Variants in GALNT9 observed in about 807,000 individuals in gnomAD.
GALNT9 encodes polypeptide N-acetylgalactosaminyltransferase 9.
GALNT9 carries 47 observed loss-of-function variants against 63.1 expected under a neutral mutation model. That is an observed-to-expected ratio of 0.75 (90% CI 0.59 to 0.95). GALNT9 has a LOEUF of 0.95. Ranked by LOEUF, GALNT9 falls within the 40% of genes least tolerant of loss-of-function variation. GALNT9 has a pLI of 0.00. For missense variants in GALNT9, 829 were observed against 874.8 expected (o/e 0.95, Z 0.66); for synonymous variants, 396 against 365.7 (o/e 1.08, Z -0.94).
At chr12:132,321,220 G>C (rs28489722) in intron 1 of GALNT9, among the ~76,000 whole-genome samples, 4 of 28,836 alleles carry the variant, frequency 1.4e-4, no homozygotes, top group East Asian at 2.8e-3. Flanking sequence ...AGGCCCCTGT[G>C]GGTCTGGAGT....
At chr12:132,204,611 C>T in intron 6 of GALNT9, among the ~76,000 whole-genome samples, 1 of 152,280 alleles carries the variant, frequency 6.6e-6, no homozygotes, top group Admixed American at 6.5e-5. Context: ...AATCTCGGTA[C>T]CCTCAGCCCC....
chr12:132,271,257 AC>A (rs1375230358), intron 2 of GALNT9, among the ~76,000 whole-genome samples: 20 of 150,494 alleles, frequency 1.3e-4, no homozygotes, highest in Non-Finnish European at 2.7e-4. Flanking sequence ...AACTCCAGTC[AC>A]CCGTCACTGC....
rs1281315052 is a variant in GALNT9 at position 132,246,993 on chromosome 12, T to C, written c.1077+917A>G. 1.3e-5 allele frequency among the ~76,000 whole-genome samples: 2 copies of C among 152,190 alleles called. No homozygotes were observed. The highest frequency in any genetic ancestry group is 3.8e-4 in the East Asian group (2 of 5,202). ...AAGGTGCAACTTAATAAACTACATATAAATTTTTAAAACTAGCCTTAACTC... is the reference window on the plus strand; with the variant it reads ...AAGGTGCAACTTAATAAACTACATACAAATTTTTAAAACTAGCCTTAACTC... On this transcript the variant is annotated intron_variant, in intron 6 of 10. Transcript: ENST00000328957. The surrounding 1 kb of genome is among the most constrained non-coding windows in gnomAD (Gnocchi z 4.7).
intron 6 of GALNT9, among the ~76,000 whole-genome samples, chr12:132,204,165 C>T (rs1876460816): frequency 1.3e-5 from 1 of 74,948 alleles, no homozygotes; most frequent in African/African-American, 3.8e-5. Context: ...GCCCAACCAG[C>T]CTCCCCAGCT....
intron 1 of GALNT9, among the ~76,000 whole-genome samples, chr12:132,299,405 C>T (rs1881207450): frequency 7.4e-6 from 1 of 134,554 alleles, no homozygotes; most frequent in African/African-American, 2.8e-5. Context: ...CTGAGATGAC[C>T]AACCCATTCC....
At chr12:132,323,596 AC>A (rs1416857955) in intron 1 of GALNT9, among the ~76,000 whole-genome samples, 1 of 152,170 alleles carries the variant, frequency 6.6e-6, no homozygotes, top group East Asian at 1.9e-4. Flanking sequence ...AGAACGCACA[AC>A]CAAAATGTCG....
intron 1 of GALNT9, among the ~76,000 whole-genome samples, chr12:132,303,355 G>A (rs1708248625): frequency 6.6e-6 from 1 of 150,742 alleles, no homozygotes; most frequent in Admixed American, 6.6e-5. Flanking sequence ...CGGAAGCAGA[G>A]GAGAGATGAG....
intron 4 of GALNT9, among the ~76,000 whole-genome samples, chr12:132,259,508 G>A (rs943197307): frequency 1.3e-5 from 2 of 152,242 alleles, no homozygotes; most frequent in Non-Finnish European, 2.9e-5. Context: ...GGAGGGCACA[G>A]GGCAGAGGAG....
chr12:132,207,638 G>A (rs891973749), intron 6 of GALNT9, among the ~76,000 whole-genome samples: 1 of 152,190 alleles, frequency 6.6e-6, no homozygotes, highest in African/African-American at 2.4e-5. Flanking sequence ...CGAGGCTCCC[G>A]GGCGGTGGGA....
intron 1 of GALNT9, among the ~76,000 whole-genome samples, chr12:132,306,854 G>A (rs557431032): frequency 3.9e-5 from 6 of 152,292 alleles, no homozygotes; most frequent in Middle Eastern, 6.8e-3. Flanking sequence ...CTGCTTTTAC[G>A]GAATCGTCAT....
At chr12:132,276,371 C>A (rs28561974) in intron 2 of GALNT9, 89,085 of 154,902 alleles carry the variant, frequency 0.58, 25,966 homozygotes, top group African/African-American at 0.66. Context: ...GGCTCGCCGC[C>A]TATCTCCACG....
At chr12:132,328,881 C>T in intron 1 of GALNT9, 85 bp downstream of exon 1, 1 of 1,385,224 alleles carries the variant, frequency 7.2e-7, no homozygotes, top group African/African-American at 1.5e-5. Context: ...GGGCGCGCAC[C>T]CGAGGCCGGC....
In GALNT9 at chr12:132,306,211, G is replaced by A. The variant is rs1189038895; in HGVS notation, c.239-19781C>T. On this transcript the variant is annotated intron_variant, in intron 1 of 10. Transcript: ENST00000328957. ...GGCTGTCCGCACCGGAACCGCCTGC[G>A]GAGTGTGAGGGCGCCGGCACCTGCC... 3.9e-5 allele frequency among the ~76,000 whole-genome samples: 6 copies of A among 152,366 alleles called. No individual in the cohort carries two copies. In the South Asian group the frequency reaches 8.3e-4, roughly 21 times the overall value.
In GALNT9 at chr12:132,282,613, C is replaced by A. The variant is rs1308559126; in HGVS notation, c.419+3637G>T. ...CCTCTTGATGATAAGGTTGCTGCAGCTCCCCCAGCTCCCAGCCTTGGTTTC... is the reference window on the plus strand; with the variant it reads ...CCTCTTGATGATAAGGTTGCTGCAGATCCCCCAGCTCCCAGCCTTGGTTTC... On this transcript the variant is annotated intron_variant, in intron 2 of 10. Transcript: ENST00000328957. This position sits in a 1 kb window ranked among gnomAD's most constrained non-coding sequence, Gnocchi z 4.5. Among the ~76,000 whole-genome samples the A allele has an allele frequency of 6.6e-6, 1 of 152,014 alleles. No homozygotes were observed. Among genetic ancestry groups the A allele is most frequent in the Non-Finnish European group, 1.5e-5 (1 of 68,004 alleles).
At chr12:132,313,519 C>CATCCGTACAT (rs1881894932) in intron 1 of GALNT9, among the ~76,000 whole-genome samples, 1 of 132,470 alleles carries the variant, frequency 7.5e-6, no homozygotes, top group Non-Finnish European at 1.6e-5. Context: ...CCCACCCATC[C>CATCCGTACAT]ACTTACCCAC....
At chr12:132,203,378 A>G (rs1027345269) in intron 7 of GALNT9, 127 bp downstream of exon 7, 1 of 762,154 alleles carries the variant, frequency 1.3e-6, no homozygotes, top group African/African-American at 1.8e-5. Flanking sequence ...GCACCTGTGC[A>G]CACCTGTCAA....
At chr12:132,237,683 G>A (rs1182136633) in intron 6 of GALNT9, among the ~76,000 whole-genome samples, 4 of 152,254 alleles carry the variant, frequency 2.6e-5, no homozygotes, top group Non-Finnish European at 2.9e-5. Flanking sequence ...GTGGGTGGGG[G>A]ATGGGGTCCC....
At chr12:132,198,443 G>GCTGGGGCTGGGGCTGGGCCTGGGC (rs1311991668) in intron 9 of GALNT9, among the ~76,000 whole-genome samples, 30 of 99,378 alleles carry the variant, frequency 3.0e-4, no homozygotes, top group Middle Eastern at 6.0e-3. Context: ...TGGGGCTGGG[G>GCTGGGGCTGGGGCTGGGCCTGGGC]CTGGGCCTGG....
At chr12:132,215,039 T>C (rs1462294183) in intron 6 of GALNT9, among the ~76,000 whole-genome samples, 2 of 152,246 alleles carry the variant, frequency 1.3e-5, no homozygotes, top group Non-Finnish European at 2.9e-5. Flanking sequence ...TGGTGCTGAC[T>C]GGCCTGTCAG....
Sources: allele counts gnomAD v4.1 joint callset (sites outside exome capture counted in the v4.1 genomes callset), GRCh38; gene constraint gnomAD v4.1.1; non-coding constraint Gnocchi (gnomAD v3.1); transcripts MANE v1.5; gene names NCBI Gene and HGNC (gene_info 2026-07-23, HGNC 2026-07-21).